The following COPG2 variants were observed in gnomAD, a reference collection of about 807,000 sequenced individuals.
The protein encoded by COPG2 is coat protein complex I subunit gamma 2.
COPG2 carries 37 observed loss-of-function variants against 46.3 expected under a neutral mutation model. The observed-to-expected ratio is 0.80, with a 90% CI of 0.61 to 1.05. COPG2 has a LOEUF of 1.05. Among genes scored for constraint, COPG2 ranks in the 50% least tolerant of loss-of-function variants. The pLI is 0.00. For synonymous variants in COPG2, 159 were observed against 129.7 expected (o/e 1.23, Z -1.53); for missense variants, 427 against 387.8 (o/e 1.10, Z -0.85).
intron 5 of COPG2, among the ~76,000 whole-genome samples, chr7:130,645,948 G>A (rs1259162007): frequency 1.3e-5 from 2 of 152,130 alleles, no homozygotes; most frequent in African/African-American, 4.8e-5. Flanking sequence ...TGCTTTGACT[G>A]GACCACTTCC....
At chr7:130,529,118 G>A (rs1025024771) in intron 20 of COPG2, among the ~76,000 whole-genome samples, 9 of 152,168 alleles carry the variant, frequency 5.9e-5, no homozygotes, top group African/African-American at 2.2e-4. Context: ...AACCAAAAAT[G>A]TAGGACGGTT....
At position 130,668,675 on chromosome 7, in the gene COPG2, C is replaced by T. The variant is rs1554462072; in HGVS notation, c.-7G>A. ...TGTCGAATTTTTTAATCATCTTGGA[C>T]GACTTCCCAGCGCCCAGACCCACCG... On this transcript the variant is annotated 5_prime_UTR_variant, in exon 1 of 24. Transcript: ENST00000425248. The T allele has an allele frequency of 1.3e-6, 2 of 1,538,834 alleles. No homozygotes were observed. The highest frequency in any genetic ancestry group is 1.7e-6 in the Non-Finnish European group (2 of 1,144,406).
intron 5 of COPG2, among the ~76,000 whole-genome samples, chr7:130,631,225 G>A (rs1247174648): frequency 7.1e-6 from 1 of 141,488 alleles, no homozygotes; most frequent in Non-Finnish European, 1.5e-5. Context: ...AGGCTGGAGT[G>A]CAGTGGCATC....
intron 7 of COPG2, 69 bp downstream of exon 7, chr7:130,613,475 G>A (rs1334923858): frequency 5.8e-6 from 5 of 856,842 alleles, no homozygotes; most frequent in Non-Finnish European, 9.6e-6. Flanking sequence ...GACAATCATA[G>A]TGATACTTTG....
chr7:130,612,055 A>G (rs1019933215), intron 8 of COPG2, 97 bp downstream of exon 8: 2 of 827,562 alleles, frequency 2.4e-6, no homozygotes, highest in East Asian at 5.2e-5. Flanking sequence ...ATTTGCCTTT[A>G]GTTAATGTTT....
intron 9 of COPG2, chr7:130,610,738 A>G: frequency 3.1e-6 from 2 of 652,802 alleles, no homozygotes; most frequent in East Asian, 2.8e-5. Context: ...CAGTTTGTTA[A>G]TGTGCTATTA....
Position 130,617,049 on chromosome 7 carries a change from T to C in COPG2, c.340A>G (p.Thr114Ala). Reference protein sequence around the residue: ...IVTSSLTKDMTGKEDVYRGPA... With the variant: ...IVTSSLTKDMAGKEDVYRGPA... ...CCTCGGTATACATCTTCTTTTCCAG[T>C]CATGTCTTTAGTCAGACTAAGAAAA... is the stretch of plus-strand genomic sequence containing the variant. Residue 114 changes from threonine to alanine, a missense_variant, in exon 6 of 24, where the codon ACT becomes GCT. By Grantham distance (58) the Thr-to-Ala change is moderately conservative. Transcript: ENST00000425248. 1 of 1,609,750 alleles carries C rather than the reference T, an allele frequency of 6.2e-7. No individual in the cohort carries two copies. Among genetic ancestry groups the C allele is most frequent in the Non-Finnish European group, 8.5e-7 (1 of 1,176,996 alleles).
Position 130,659,568 on chromosome 7 carries a change from A to T in COPG2, c.243+3399T>A, listed in dbSNP as rs746844201. On this transcript the variant is annotated intron_variant, in intron 4 of 23. Transcript: ENST00000425248. ...GAATTCCATATAGTAGTGAAAGTAA[A>T]TAAAGTAGAAGTACATGTAACAAGC... Among the ~76,000 whole-genome samples, 83 of 152,168 alleles carry T rather than the reference A, an allele frequency of 5.5e-4. 1 individual carries two copies. The highest frequency in any genetic ancestry group is 5.4e-3 in the Admixed American group (83 of 15,272).
At chr7:130,634,103 C>T (rs12667336) in intron 5 of COPG2, among the ~76,000 whole-genome samples, 64,529 of 152,046 alleles carry the variant, frequency 0.42, 16,609 homozygotes, top group East Asian at 0.59. Context: ...ACCAGTATCA[C>T]GCTGTTTTGG....
At chr7:130,659,835 CCGGGAGGCGGAGG>C (rs1795939831) in intron 4 of COPG2, among the ~76,000 whole-genome samples, 1 of 152,128 alleles carries the variant, frequency 6.6e-6, no homozygotes, top group Admixed American at 6.5e-5. Context: ...TCGCTCAAAC[CCGGGAGGCGGAGG>C]CTGCAGTGAG....
chr7:130,655,699 C>G (rs1452860444), intron 4 of COPG2, among the ~76,000 whole-genome samples: 5 of 152,176 alleles, frequency 3.3e-5, no homozygotes, highest in African/African-American at 1.2e-4. Context: ...GGCCTGTAAT[C>G]TGTTTCTGGG....
intron 9 of COPG2, among the ~76,000 whole-genome samples, chr7:130,591,494 C>A (rs1231382086): frequency 1.1e-5 from 1 of 94,776 alleles, no homozygotes; most frequent in Non-Finnish European, 2.2e-5. Flanking sequence ...CCCCCCCGCC[C>A]GGCCAGCCGC....
chr7:130,626,589 G>A (rs1019057909), intron 5 of COPG2, among the ~76,000 whole-genome samples: 4 of 151,946 alleles, frequency 2.6e-5, no homozygotes, highest in African/African-American at 7.3e-5. Context: ...GCTCCTGAAC[G>A]AAATCGGCCA....
chr7:130,561,010 T>C, intron 12 of COPG2, 23 bp downstream of exon 12: 1 of 398,330 alleles, frequency 2.5e-6, no homozygotes, highest in Non-Finnish European at 4.4e-6. Flanking sequence ...TGGGAGAAAA[T>C]ATGATCATGT....
chr7:130,651,180 A>G (rs1795730246), intron 5 of COPG2, among the ~76,000 whole-genome samples: 1 of 152,244 alleles, frequency 6.6e-6, no homozygotes, highest in South Asian at 2.1e-4. Flanking sequence ...CACACTTAGA[A>G]CTATAAATTA....
rs1283632342 is a variant in COPG2, at chr7:130,631,095, T to C, written c.324-14030A>G. On this transcript the variant is annotated intron_variant, in intron 5 of 23. Transcript: ENST00000425248. Reference sequence around the variant, plus strand: ...GCCTTTAATGTAATTATTGATATGGTTGGGTTGGAGTCTGTCATCTTGCTA... The same window carrying C: ...GCCTTTAATGTAATTATTGATATGGCTGGGTTGGAGTCTGTCATCTTGCTA... Among the ~76,000 whole-genome samples, 4 of 152,152 alleles carry C rather than the reference T, an allele frequency of 2.6e-5. No individual in the cohort carries two copies. In the East Asian group the frequency reaches 7.7e-4, roughly 29 times the overall value.
intron 20 of COPG2, among the ~76,000 whole-genome samples, chr7:130,514,936 T>C (rs1387977164): frequency 2.0e-5 from 3 of 152,118 alleles, no homozygotes; most frequent in African/African-American, 7.2e-5. Flanking sequence ...GACTAGTATA[T>C]GGGAGAGAAG....
At chr7:130,510,316 A>G in intron 20 of COPG2, 1 of 477,530 alleles carries the variant, frequency 2.1e-6, no homozygotes, top group Non-Finnish European at 4.1e-6. Flanking sequence ...TTGAGAAAAG[A>G]ACGACTGTGG....
chr7:130,668,588 G>A (rs782005739), intron 1 of COPG2, 44 bp downstream of exon 1: 3 of 1,487,404 alleles, frequency 2.0e-6, no homozygotes, highest in African/African-American at 1.5e-5. Context: ...CGGGGGAAGG[G>A]GCGTCCCGCG....
Sources: allele counts gnomAD v4.1 joint callset (sites outside exome capture counted in the v4.1 genomes callset), GRCh38; gene constraint gnomAD v4.1.1; transcripts MANE v1.5; gene names NCBI Gene and HGNC (gene_info 2026-07-23, HGNC 2026-07-21).